The following CPEB3 variants were observed in gnomAD, a reference collection of about 807,000 sequenced individuals.
The protein encoded by CPEB3 is cytoplasmic polyadenylation element binding protein 3.
In CPEB3, 20 loss-of-function variants were observed where a neutral mutation model predicts 67.2. The ratio of observed to expected loss-of-function variants is 0.30; its 90% confidence interval spans 0.21 to 0.43. The LOEUF is 0.43. Ranked by LOEUF, CPEB3 falls within the 20% of genes least tolerant of loss-of-function variation. CPEB3 has a pLI of 1.00. For missense variants in CPEB3, 746 were observed against 968.6 expected (o/e 0.77, Z 3.05); for synonymous variants, 376 against 393.1 (o/e 0.96, Z 0.51).
At chr10:92,076,823 G>C (rs1407329341) in intron 9 of CPEB3, among the ~76,000 whole-genome samples, 1 of 135,048 alleles carries the variant, frequency 7.4e-6, no homozygotes, top group Non-Finnish European at 1.7e-5. Flanking sequence ...AGGGGAGAAA[G>C]AGGAGGAGGA....
intron 9 of CPEB3, among the ~76,000 whole-genome samples, chr10:92,057,061 T>G (rs764891467): frequency 6.6e-6 from 1 of 152,188 alleles, no homozygotes; most frequent in Non-Finnish European, 1.5e-5. Flanking sequence ...GGGCCCTGAA[T>G]AGCCAGCAGT....
At chr10:92,177,899 T>C (rs1848293753) in intron 4 of CPEB3, among the ~76,000 whole-genome samples, 1 of 152,170 alleles carries the variant, frequency 6.6e-6, no homozygotes, top group South Asian at 2.1e-4. Flanking sequence ...GGAAGATTTT[T>C]TGGGAAACAT....
chr10:92,111,000 T>G (rs1244768051), intron 7 of CPEB3, 76 bp downstream of exon 7: 1 of 1,038,692 alleles, frequency 9.6e-7, no homozygotes, highest in Non-Finnish European at 1.5e-6. Context: ...GCATTTCCAT[T>G]ATCAGAAAGA....
chr10:92,258,924 CT>C (rs1852664690), intron 1 of CPEB3, among the ~76,000 whole-genome samples: 1 of 151,134 alleles, frequency 6.6e-6, no homozygotes, highest in African/African-American at 2.4e-5. Flanking sequence ...TCCCAAAGTG[CT>C]GGGATTACAG....
intron 9 of CPEB3, among the ~76,000 whole-genome samples, chr10:92,058,550 A>G (rs1270083079): frequency 1.6e-5 from 2 of 125,282 alleles, no homozygotes; most frequent in Non-Finnish European, 3.4e-5. Context: ...CTCCATCTCA[A>G]AAATACATAC....
chr10:92,239,311 G>A lies in CPEB3; in HGVS notation c.1005+35C>T. ...GAGAAGTGGCAAAAGGAGCGGGGCA[G>A]AGGGAAGGAGTGTGTAGGTGCAGCA... On this transcript the variant is annotated intron_variant, in intron 2 of 9. Transcript: ENST00000265997. This position sits in a 1 kb window ranked among gnomAD's most constrained non-coding sequence, Gnocchi z 6.0. The A allele has an allele frequency of 1.3e-6, 2 of 1,585,700 alleles. No individual in the cohort carries two copies. The highest frequency in any genetic ancestry group is 1.1e-5 in the South Asian group (1 of 87,766).
chr10:92,066,400 C>CAGAT (rs769404711), intron 9 of CPEB3, among the ~76,000 whole-genome samples: 1 of 151,792 alleles, frequency 6.6e-6, no homozygotes, highest in Non-Finnish European at 1.5e-5. Flanking sequence ...AATAGATAGA[C>CAGAT]AGATAGATAG....
At chr10:92,270,664 G>A (rs1853267885) in intron 1 of CPEB3, among the ~76,000 whole-genome samples, 1 of 149,896 alleles carries the variant, frequency 6.7e-6, no homozygotes, top group Non-Finnish European at 1.5e-5. Context: ...CCGGGCTCAA[G>A]CAATCCTCCC....
intron 1 of CPEB3, among the ~76,000 whole-genome samples, chr10:92,269,653 GT>G (rs979124450): frequency 1.3e-5 from 2 of 152,068 alleles, no homozygotes; most frequent in African/African-American, 4.8e-5. Flanking sequence ...TGCCTCCCAG[GT>G]TCAAGTGATT....
intron 2 of CPEB3, among the ~76,000 whole-genome samples, chr10:92,222,063 CTG>C (rs1040856796): frequency 2.0e-5 from 3 of 152,150 alleles, no homozygotes; most frequent in Non-Finnish European, 4.4e-5. Context: ...AGATTAATCT[CTG>C]TGTTTTATCT....
intron 9 of CPEB3, among the ~76,000 whole-genome samples, chr10:92,053,424 T>C (rs1324747658): frequency 1.3e-5 from 2 of 151,662 alleles, no homozygotes; most frequent in South Asian, 2.1e-4. Flanking sequence ...AGTGCAGTGG[T>C]GCGATCTCGG....
chr10:92,254,903 C>A (rs1477705440), intron 1 of CPEB3, among the ~76,000 whole-genome samples: 1 of 151,086 alleles, frequency 6.6e-6, no homozygotes, highest in Non-Finnish European at 1.5e-5. Context: ...CGATGGAGTG[C>A]TGCCACATCA....
At chr10:92,075,386 T>C (rs1590080355) in intron 9 of CPEB3, among the ~76,000 whole-genome samples, 3 of 152,162 alleles carry the variant, frequency 2.0e-5, no homozygotes, top group African/African-American at 7.2e-5. Context: ...TTAAAGGCTG[T>C]ACATTAAAAC....
intron 6 of CPEB3, chr10:92,137,052 C>G: frequency 4.0e-6 from 1 of 250,056 alleles, no homozygotes. Flanking sequence ...CTTCTTGTAT[C>G]AAGGATTATG....
chr10:92,288,311 T>C (rs1170530287), intron 1 of CPEB3, among the ~76,000 whole-genome samples: 9 of 152,046 alleles, frequency 5.9e-5, no homozygotes, highest in African/African-American at 2.4e-5. Context: ...AAAATTTTTT[T>C]AAGCCAGACA....
intron 3 of CPEB3, among the ~76,000 whole-genome samples, chr10:92,188,229 C>T (rs893898045): frequency 6.8e-6 from 1 of 146,480 alleles, no homozygotes; most frequent in African/African-American, 2.5e-5. Context: ...TAAGAAACAG[C>T]TGTCATTAGA....
chr10:92,090,756 GC>G (rs1433954925), intron 8 of CPEB3, among the ~76,000 whole-genome samples: 1 of 152,020 alleles, frequency 6.6e-6, no homozygotes, highest in Non-Finnish European at 1.5e-5. Flanking sequence ...GGCTGCATTT[GC>G]CCCCATCTCA....
At chr10:92,130,607 C>A (rs148748608) in intron 6 of CPEB3, among the ~76,000 whole-genome samples, 1 of 150,960 alleles carries the variant, frequency 6.6e-6, no homozygotes, top group East Asian at 2.0e-4. Flanking sequence ...AAACATGCAA[C>A]GAGACAGTCC....
chr10:92,163,879 GTATT>G (rs1847613353), intron 4 of CPEB3, among the ~76,000 whole-genome samples: 5 of 152,118 alleles, frequency 3.3e-5, no homozygotes, highest in Admixed American at 3.3e-4. Flanking sequence ...TTCACATTAA[GTATT>G]TGTTTTTATT....
Sources: allele counts gnomAD v4.1 joint callset (sites outside exome capture counted in the v4.1 genomes callset), GRCh38; gene constraint gnomAD v4.1.1; non-coding constraint Gnocchi (gnomAD v3.1); transcripts MANE v1.5; gene names NCBI Gene and HGNC (gene_info 2026-07-23, HGNC 2026-07-21).